Variants in CAB39L observed in about 807,000 individuals in gnomAD.
CAB39L encodes the protein calcium-binding protein 39-like.
CAB39L carries 23 observed loss-of-function variants against 39.1 expected under a neutral mutation model. The observed-to-expected ratio is 0.59, with a 90% CI of 0.42 to 0.83. The LOEUF (loss-of-function observed/expected upper bound fraction) is 0.83. Among genes scored for constraint, CAB39L ranks in the 40% least tolerant of loss-of-function variants. The pLI, the probability that CAB39L is intolerant of heterozygous loss-of-function variation, is 0.00. For missense variants in CAB39L, 366 were observed against 391.9 expected, an observed-to-expected ratio of 0.93 and a Z score of 0.56; for synonymous variants, 126 against 137.2, an observed-to-expected ratio of 0.92 and a Z score of 0.57.
intron 5 of CAB39L, among the ~76,000 whole-genome samples, chr13:49,375,653 G>A (rs1956037756): frequency 6.6e-6 from 1 of 152,108 alleles, no homozygotes; most frequent in East Asian, 1.9e-4. Flanking sequence ...TTGTGGGGTC[G>A]GGGGAGCGGG....
intron 10 of CAB39L, among the ~76,000 whole-genome samples, chr13:49,317,548 C>CA (rs1401041914): frequency 6.6e-6 from 1 of 151,804 alleles, no homozygotes; most frequent in Non-Finnish European, 1.5e-5. Flanking sequence ...AACAAACAAA[C>CA]AAAAAACACT....
At chr13:49,377,854 G>T (rs1443611120) in intron 4 of CAB39L, among the ~76,000 whole-genome samples, 2 of 84,206 alleles carry the variant, frequency 2.4e-5, no homozygotes, top group African/African-American at 6.8e-5. Context: ...TGGCTGCCCA[G>T]TCTGGAAAGT....
chr13:49,349,522 T>G (rs1566081686), intron 7 of CAB39L, among the ~76,000 whole-genome samples: 2 of 151,062 alleles, frequency 1.3e-5, no homozygotes, highest in East Asian at 3.9e-4. Context: ...GAAAACCTAT[T>G]TTTTTCAATG....
rs1282371923 is a variant in CAB39L at position 49,441,226 on chromosome 13, T to TATATATATATATATATATATATATATA, written c.-246+2759_-246+2760insTATATATATATATATATATATATATAT. On this transcript the variant is annotated intron_variant, in intron 1 of 10. Transcript: ENST00000409308. ...TTTTCTTATAATGATTTAGTGTATA[T>TATATATATATATATATATATATATATA]ATATATATATATATATATTCCCTTT... Among the ~76,000 whole-genome samples, 374 of 112,680 alleles carry TATATATATATATATATATATATATATA rather than the reference T, an allele frequency of 3.3e-3. 6 individuals carry two copies. Among genetic ancestry groups the TATATATATATATATATATATATATATA allele is most frequent in the African/African-American group, 0.017 (355 of 21,098 alleles). 73.9% of individuals were successfully genotyped at this position (112,680 alleles called of 152,430 possible).
At position 49,310,022 on chromosome 13, in the gene CAB39L, C is replaced by T. The variant is rs1953941152; in HGVS notation, c.*792G>A. 6.6e-6 allele frequency: 1 copy of T among 152,318 alleles called. No homozygotes were observed. The highest frequency in any genetic ancestry group is 1.5e-5 in the Non-Finnish European group (1 of 68,138). The allele number at this position is 152,318 out of a possible 1,614,324, so 9.4% of individuals were successfully genotyped here. ...CCATTATGAAGGAAATATTCTGTCC[C>T]TCACTCACCCTCTGGAAGCTAATAT... On this transcript the variant is annotated 3_prime_UTR_variant, in exon 11 of 11. Coordinates refer to ENST00000409308, the MANE Select transcript of CAB39L (RefSeq NM_001079670.3).
intron 7 of CAB39L, among the ~76,000 whole-genome samples, chr13:49,348,404 C>T (rs1002838262): frequency 6.6e-6 from 1 of 152,132 alleles, no homozygotes; most frequent in Admixed American, 6.5e-5. Context: ...CCCCTCTCTA[C>T]TAAAAATGCA....
At chr13:49,343,685 A>G (rs1955066817) in intron 8 of CAB39L, among the ~76,000 whole-genome samples, 1 of 152,004 alleles carries the variant, frequency 6.6e-6, no homozygotes, top group Non-Finnish European at 1.5e-5. Flanking sequence ...GAAAGGATGC[A>G]TGTTTTGGGA....
At chr13:49,378,392 T>C (rs1594021398) in intron 4 of CAB39L, among the ~76,000 whole-genome samples, 1 of 47,924 alleles carries the variant, frequency 2.1e-5, no homozygotes. Context: ...TGGCCAGCCG[T>C]GCCGTCCGGG....
At chr13:49,421,205 C>T (rs920572781) in intron 3 of CAB39L, among the ~76,000 whole-genome samples, 1 of 152,046 alleles carries the variant, frequency 6.6e-6, no homozygotes, top group Non-Finnish European at 1.5e-5. Flanking sequence ...TCTCTGCCCG[C>T]CCCTGGAAAA....
intron 3 of CAB39L, among the ~76,000 whole-genome samples, chr13:49,387,102 C>T (rs908157226): frequency 1.3e-5 from 2 of 152,166 alleles, no homozygotes; most frequent in Admixed American, 1.3e-4. Flanking sequence ...TTAATCACCC[C>T]CTTCTAGGTG....
intron 10 of CAB39L, among the ~76,000 whole-genome samples, chr13:49,319,712 A>AATGTGTG (rs1382895531): frequency 3.3e-5 from 5 of 152,120 alleles, no homozygotes; most frequent in African/African-American, 1.2e-4. Flanking sequence ...ACCTATCAGA[A>AATGTGTG]ATGTGTGGCT....
chr13:49,381,220 G>A (rs1171660660), intron 4 of CAB39L, among the ~76,000 whole-genome samples: 4 of 152,156 alleles, frequency 2.6e-5, no homozygotes, highest in East Asian at 1.9e-4. Flanking sequence ...GAGCCACTGC[G>A]CCTGGCTGAC....
intron 1 of CAB39L, among the ~76,000 whole-genome samples, chr13:49,439,131 T>C (rs570068516): frequency 3.7e-4 from 57 of 152,348 alleles, no homozygotes; most frequent in Non-Finnish European, 7.2e-4. Context: ...CTGTGATGTA[T>C]ATTCACTCTT....
chr13:49,347,457 T>C (rs1955213072), intron 7 of CAB39L, among the ~76,000 whole-genome samples: 1 of 152,202 alleles, frequency 6.6e-6, no homozygotes, highest in South Asian at 2.1e-4. Flanking sequence ...TCTATGTTTG[T>C]AATTATGTGA....
chr13:49,438,830 A>C (rs1957458006), intron 1 of CAB39L, among the ~76,000 whole-genome samples: 1 of 152,192 alleles, frequency 6.6e-6, no homozygotes, highest in Non-Finnish European at 1.5e-5. Flanking sequence ...ACCTACTTTA[A>C]TGTTAAGCGT....
chr13:49,393,752 T>C (rs758208456), intron 3 of CAB39L, among the ~76,000 whole-genome samples: 3 of 151,918 alleles, frequency 2.0e-5, no homozygotes, highest in Non-Finnish European at 2.9e-5. Context: ...TCAGTTATTC[T>C]TAAAGTCCAC....
chr13:49,408,832 T>TC (rs1372480251), intron 3 of CAB39L, among the ~76,000 whole-genome samples: 9 of 149,224 alleles, frequency 6.0e-5, no homozygotes, highest in East Asian at 2.0e-4. Flanking sequence ...CCCTGTCCCC[T>TC]CCCCCCCAAA....
At chr13:49,441,029 T>C (rs1010217144) in intron 1 of CAB39L, among the ~76,000 whole-genome samples, 2 of 151,924 alleles carry the variant, frequency 1.3e-5, no homozygotes, top group Non-Finnish European at 2.9e-5. Flanking sequence ...GTATCTCATG[T>C]CTGAGCTCTT....
intron 5 of CAB39L, among the ~76,000 whole-genome samples, chr13:49,368,404 T>C (rs1012245923): frequency 1.3e-5 from 2 of 152,336 alleles, no homozygotes; most frequent in Admixed American, 1.3e-4. Flanking sequence ...TAATGATCTC[T>C]ACATTACACG....
Sources: allele counts gnomAD v4.1 joint callset (sites outside exome capture counted in the v4.1 genomes callset), GRCh38; gene constraint gnomAD v4.1.1; transcripts MANE v1.5; gene names NCBI Gene and HGNC (gene_info 2026-07-23, HGNC 2026-07-21).